Variants in DOCK3 observed in about 807,000 individuals in gnomAD.
DOCK3 encodes the protein dedicator of cytokinesis 3.
In DOCK3, 60 loss-of-function variants were observed where a neutral mutation model predicts 265.6. That is an observed-to-expected ratio of 0.23 (90% CI 0.18 to 0.28). The LOEUF (loss-of-function observed/expected upper bound fraction) is 0.28. DOCK3 is among the 10% of genes least tolerant of loss of function. DOCK3 has a pLI of 1.00. For synonymous variants in DOCK3, 881 were observed against 938.0 expected (o/e 0.94, Z 1.11); for missense variants, 1,981 against 2,594.3 (o/e 0.76, Z 5.14).
intron 2 of DOCK3, among the ~76,000 whole-genome samples, chr3:50,808,093 A>G (rs943461288): frequency 6.6e-6 from 1 of 152,260 alleles, no homozygotes; most frequent in Non-Finnish European, 1.5e-5. Context: ...GAAGAATTAG[A>G]AAATGAATAA....
intron 7 of DOCK3, among the ~76,000 whole-genome samples, chr3:51,082,838 T>C (rs2082290643): frequency 6.6e-6 from 1 of 152,120 alleles, no homozygotes; most frequent in African/African-American, 2.4e-5. Flanking sequence ...GGTCTGTGGG[T>C]AGGCCCACAG....
intron 4 of DOCK3, among the ~76,000 whole-genome samples, chr3:50,928,573 A>G (rs1410038870): frequency 6.6e-6 from 1 of 152,130 alleles, no homozygotes. Context: ...GGGTGTTAAT[A>G]GTTTTCGTTT....
chr3:50,937,667 A>G (rs1259295294), intron 5 of DOCK3, among the ~76,000 whole-genome samples: 2 of 152,178 alleles, frequency 1.3e-5, no homozygotes, highest in Non-Finnish European at 2.9e-5. Context: ...AAAAACAACA[A>G]CAGCAGCAAT....
intron 3 of DOCK3, among the ~76,000 whole-genome samples, chr3:50,869,310 C>G: frequency 1.4e-5 from 1 of 72,290 alleles, no homozygotes; most frequent in East Asian, 3.3e-4. Context: ...AAATTGTTTT[C>G]TTTATTTCAA....
intron 21 of DOCK3, among the ~76,000 whole-genome samples, chr3:51,240,707 T>C (rs886953297): frequency 1.3e-5 from 2 of 152,246 alleles, no homozygotes; most frequent in African/African-American, 2.4e-5. Flanking sequence ...TTTGCAGTCT[T>C]TGTTGGTTTG....
chr3:51,295,400 A>G (rs923176848), intron 27 of DOCK3, among the ~76,000 whole-genome samples: 8 of 152,234 alleles, frequency 5.3e-5, no homozygotes, highest in Non-Finnish European at 1.0e-4. Context: ...CCCCAAGGGA[A>G]GGCATTTATC....
chr3:50,732,019 A>G (rs1049721158), intron 1 of DOCK3, among the ~76,000 whole-genome samples: 2 of 152,082 alleles, frequency 1.3e-5, no homozygotes, highest in African/African-American at 4.8e-5. Context: ...GCAAAGTCTG[A>G]GAACAAGGTT....
intron 23 of DOCK3, among the ~76,000 whole-genome samples, chr3:51,267,808 G>A (rs1171919292): frequency 6.6e-6 from 1 of 152,182 alleles, no homozygotes; most frequent in African/African-American, 2.4e-5. Flanking sequence ...ATACTATGCA[G>A]CCATAAAAAA....
chr3:50,948,401 CTT>C (rs59584829), intron 5 of DOCK3, among the ~76,000 whole-genome samples: 1 of 98,662 alleles, frequency 1.0e-5, no homozygotes, highest in Non-Finnish European at 1.8e-5. Flanking sequence ...AAGTTTTAAT[CTT>C]TTTTTTTTTT....
Position 51,381,139 on chromosome 3 carries a change from C to T in DOCK3, c.5673C>T (p.Ser1891=), listed in dbSNP as rs782526074. 31 of 1,613,810 alleles carry T rather than the reference C, an allele frequency of 1.9e-5. No homozygotes were observed. Among genetic ancestry groups the T allele is most frequent in the East Asian group, 4.5e-5 (2 of 44,876 alleles). The change falls in exon 53 of 53, where the codon AGC becomes AGT. Residue 1891 remains serine, a synonymous_variant. Coordinates refer to ENST00000266037, the MANE Select transcript of DOCK3 (RefSeq NM_004947.5). The surrounding 1 kb of genome is among the most constrained non-coding windows in gnomAD (Gnocchi z 5.6). ...SNSTLSGSAS[S]GVSSLSESNF... ...CTACGCTGTCCGGCAGTGCCAGCAG[C>T]GGCGTGTCCTCCTTGAGTGAGAGTA...
At chr3:51,100,515 G>T (rs751726133) in intron 9 of DOCK3, among the ~76,000 whole-genome samples, 8 of 152,140 alleles carry the variant, frequency 5.3e-5, no homozygotes, top group African/African-American at 1.9e-4. Context: ...CATGTCACTG[G>T]CTCACCTCTG....
rs747771824 is a variant in DOCK3, at chr3:51,260,330, C to T, written c.2355+4C>T. 26 of 1,612,438 alleles carry T rather than the reference C, an allele frequency of 1.6e-5. No individual in the cohort carries two copies. Among genetic ancestry groups the T allele is most frequent in the Admixed American group, 5.0e-5 (3 of 59,888 alleles). ...AGAAACACTCCTTTTTACTCAGGTT[C>T]GCACACTGCAGGGAAGCTTTGATGC... On this transcript the variant is annotated splice_donor_region_variant and intron_variant, in intron 23 of 52. Transcript: ENST00000266037.
intron 40 of DOCK3, among the ~76,000 whole-genome samples, chr3:51,351,496 A>G (rs1316763726): frequency 6.6e-6 from 1 of 152,194 alleles, no homozygotes; most frequent in East Asian, 1.9e-4. Context: ...TTTCTTGGGC[A>G]GTAATCATTC....
At chr3:51,264,774 C>T (rs931405362) in intron 23 of DOCK3, among the ~76,000 whole-genome samples, 1 of 151,468 alleles carries the variant, frequency 6.6e-6, no homozygotes, top group Non-Finnish European at 1.5e-5. Context: ...TTGCAGTGAG[C>T]CAAGATCGCG....
rs890379104 is a variant in DOCK3, at chr3:50,889,850, C to A, written c.163-176C>A. On this transcript the variant is annotated intron_variant, in intron 3 of 52. Transcript: ENST00000266037. ...AGGATAGATTTTGATTGCATATGGC[C>A]GTGAAATTCCTACCTAATATACTTT... Among the ~76,000 whole-genome samples, 5 of 152,084 alleles carry A rather than the reference C, an allele frequency of 3.3e-5. No homozygotes were observed. In the East Asian group the frequency reaches 9.7e-4, roughly 29 times the overall value.
rs114695104 is a variant in DOCK3, at chr3:51,019,983, G to A, written c.316-44465G>A. Among the ~76,000 whole-genome samples, 425 of 151,864 alleles carry A rather than the reference G, an allele frequency of 2.8e-3. 13 individuals are homozygous for A. The highest frequency in any genetic ancestry group is 9.9e-3 in the African/African-American group (407 of 41,210). On this transcript the variant is annotated intron_variant, in intron 5 of 52. Coordinates refer to ENST00000266037, the MANE Select transcript of DOCK3 (RefSeq NM_004947.5). ...ATAATAGAATGATTTCTGTTCCTTT[G>A]GGTATATACAGAGTAATGGAATTGC... is the stretch of plus-strand genomic sequence containing the variant.
At chr3:50,756,972 C>T (rs62260158) in intron 1 of DOCK3, among the ~76,000 whole-genome samples, 13,647 of 151,940 alleles carry the variant, frequency 0.09, 742 homozygotes, top group Middle Eastern at 0.18. Context: ...GCAGTCCTCC[C>T]GTCTCAGCCT....
At chr3:50,959,179 C>CT (rs2076814878) in intron 5 of DOCK3, among the ~76,000 whole-genome samples, 1 of 152,082 alleles carries the variant, frequency 6.6e-6, no homozygotes, top group South Asian at 2.1e-4. Flanking sequence ...CATCTAGCAT[C>CT]TTTTTAAATA....
intron 12 of DOCK3, among the ~76,000 whole-genome samples, chr3:51,171,517 C>A (rs1011651366): frequency 1.3e-5 from 2 of 152,010 alleles, no homozygotes; most frequent in Non-Finnish European, 2.9e-5. Context: ...GAGATCACGA[C>A]CATCCTGGCT....
Sources: allele counts gnomAD v4.1 joint callset (sites outside exome capture counted in the v4.1 genomes callset), GRCh38; gene constraint gnomAD v4.1.1; non-coding constraint Gnocchi (gnomAD v3.1); transcripts MANE v1.5; gene names NCBI Gene and HGNC (gene_info 2026-07-23, HGNC 2026-07-21).